TCF12: variants seen among roughly 807,000 people sequenced by gnomAD.
TCF12 encodes the protein DNA-binding protein HTF4.
In TCF12, 45 loss-of-function variants were observed where a neutral mutation model predicts 86.0. The observed-to-expected ratio is 0.52, with a 90% CI of 0.41 to 0.67. The LOEUF (loss-of-function observed/expected upper bound fraction) is 0.67. Ranked by LOEUF, TCF12 falls within the 30% of genes least tolerant of loss-of-function variation. The probability of loss-of-function intolerance (pLI) is 0.00; values close to 1 mark genes in which losing one functional copy is unlikely to be tolerated. For missense variants in TCF12, 881 were observed against 859.9 expected (o/e 1.02, Z -0.31); for synonymous variants, 330 against 299.6 (o/e 1.10, Z -1.05).
chr15:56,924,493 T>TTC (rs1335161305), intron 3 of TCF12, among the ~76,000 whole-genome samples: 1 of 152,196 alleles, frequency 6.6e-6, no homozygotes, highest in African/African-American at 2.4e-5. Context: ...TGAACTGTGA[T>TTC]AGAAATAGGA....
At chr15:57,238,772 T>C (rs1395736312) in intron 12 of TCF12, among the ~76,000 whole-genome samples, 1 of 152,204 alleles carries the variant, frequency 6.6e-6, no homozygotes, top group Admixed American at 6.5e-5. Flanking sequence ...TTGACCAGTA[T>C]AAGTTTCCTG....
In TCF12 at chr15:57,200,574, T is replaced by G. The variant is rs372203212; in HGVS notation, c.579+2749T>G. 3.1e-3 allele frequency among the ~76,000 whole-genome samples: 468 copies of G among 152,288 alleles called. 1 individual carries two copies. The highest frequency in any genetic ancestry group is 0.011 in the African/African-American group (449 of 41,564). On this transcript the variant is annotated intron_variant, in intron 8 of 20. Coordinates refer to ENST00000333725, the MANE Select transcript of TCF12 (RefSeq NM_207037.2). The stretch of plus-strand genomic sequence containing the variant: ...AGTTTCCTACTTGTTCATTCTATCT[T>G]TAATCTGTAAAATATATGTGACTTT...
chr15:57,280,921 C>T lies in TCF12; in HGVS notation c.1979-1524C>T, dbSNP rs147498202. The stretch of plus-strand genomic sequence containing the variant: ...TAAAAATATGTGGAACAACTGTTAA[C>T]CTATACTATATGTTATAATCAAATG... On this transcript the variant is annotated intron_variant, in intron 19 of 20. Transcript: ENST00000333725. Among the ~76,000 whole-genome samples, 484 of 152,198 alleles carry T rather than the reference C, an allele frequency of 3.2e-3. 2 individuals carry two copies. The highest frequency in any genetic ancestry group is 0.011 in the African/African-American group (469 of 41,530).
chr15:56,977,255 A>T (rs1182271042), intron 3 of TCF12, among the ~76,000 whole-genome samples: 2 of 152,134 alleles, frequency 1.3e-5, no homozygotes, highest in African/African-American at 4.8e-5. Flanking sequence ...ATAAAAGGCC[A>T]GGTGTGGTGG....
chr15:57,223,038 G>GA lies in TCF12; in HGVS notation c.580-8106dup, dbSNP rs534446168. The stretch of plus-strand genomic sequence containing the variant: ...TTAAGCTTCTTTGAATGGAATCTGG[G>GA]AAAAAAAAGAAACTAATTTGATTGT... On this transcript the variant is annotated intron_variant, in intron 8 of 20. Coordinates refer to ENST00000333725, the MANE Select transcript of TCF12 (RefSeq NM_207037.2). Among the ~76,000 whole-genome samples, 555 of 151,530 alleles carry GA rather than the reference G, an allele frequency of 3.7e-3. 3 individuals carry two copies. Among genetic ancestry groups the GA allele is most frequent in the South Asian group, 9.0e-3 (43 of 4,798 alleles).
chr15:57,240,995 T>C (rs1221283504), intron 12 of TCF12, among the ~76,000 whole-genome samples: 2 of 151,874 alleles, frequency 1.3e-5, no homozygotes, highest in Non-Finnish European at 2.9e-5. Context: ...AATCAATGTA[T>C]GTGTGCAAAG....
At chr15:56,942,537 G>A (rs772526916) in intron 3 of TCF12, among the ~76,000 whole-genome samples, 3 of 152,138 alleles carry the variant, frequency 2.0e-5, no homozygotes, top group African/African-American at 4.8e-5. Flanking sequence ...GTTTAGAAGA[G>A]GGTATTATAA....
At chr15:56,993,198 C>T (rs2063538194) in intron 3 of TCF12, among the ~76,000 whole-genome samples, 2 of 152,076 alleles carry the variant, frequency 1.3e-5, no homozygotes, top group Admixed American at 1.3e-4. Context: ...ACTTCTGGCT[C>T]AAGGAACAGG....
At chr15:57,019,755 T>C (rs202149938) in intron 3 of TCF12, among the ~76,000 whole-genome samples, 1 of 99,648 alleles carries the variant, frequency 1.0e-5, no homozygotes, top group African/African-American at 3.0e-5. Context: ...ATAGGAGCAA[T>C]TGGGGATGTC....
chr15:56,969,170 G>A (rs1219533504), intron 3 of TCF12, among the ~76,000 whole-genome samples: 1 of 152,100 alleles, frequency 6.6e-6, no homozygotes, highest in Admixed American at 6.6e-5. Context: ...ATCTTATTTA[G>A]GAATAAAATG....
intron 19 of TCF12, chr15:57,282,144 CTAA>C: frequency 2.5e-6 from 1 of 392,198 alleles, no homozygotes; most frequent in South Asian, 2.3e-5. Flanking sequence ...ACTTGGTAGC[CTAA>C]TAACAACAGC....
At chr15:57,050,378 C>T (rs2067526824) in intron 3 of TCF12, among the ~76,000 whole-genome samples, 1 of 152,136 alleles carries the variant, frequency 6.6e-6, no homozygotes, top group Admixed American at 6.5e-5. Flanking sequence ...GAGCATCCTT[C>T]ATGCTTAAAG....
intron 3 of TCF12, among the ~76,000 whole-genome samples, chr15:56,953,289 A>T (rs898209231): frequency 1.3e-5 from 2 of 152,036 alleles, no homozygotes; most frequent in Admixed American, 1.3e-4. Context: ...TTTATGAAGA[A>T]TATTGCTTTG....
intron 3 of TCF12, among the ~76,000 whole-genome samples, chr15:57,007,520 A>T (rs1228573897): frequency 1.3e-5 from 2 of 152,156 alleles, no homozygotes; most frequent in Admixed American, 1.3e-4. Flanking sequence ...ATGTATTGAG[A>T]TCCCTCACCC....
intron 3 of TCF12, among the ~76,000 whole-genome samples, chr15:57,062,274 A>G (rs1338818653): frequency 1.3e-5 from 2 of 151,982 alleles, no homozygotes; most frequent in Admixed American, 6.6e-5. Context: ...TGTTTTTTAC[A>G]TGACATTCCC....
intron 4 of TCF12, among the ~76,000 whole-genome samples, chr15:57,068,357 C>T (rs1354542096): frequency 3.3e-5 from 5 of 152,126 alleles, no homozygotes; most frequent in African/African-American, 4.8e-5. Flanking sequence ...AACAATTACA[C>T]AAATTTAAAC....
chr15:57,093,302 T>G (rs1434752731), intron 5 of TCF12, among the ~76,000 whole-genome samples: 1 of 152,226 alleles, frequency 6.6e-6, no homozygotes, highest in Non-Finnish European at 1.5e-5. Flanking sequence ...AATTATTTCC[T>G]TTCGGAGTAC....
chr15:56,964,418 C>T (rs555199155), intron 3 of TCF12, among the ~76,000 whole-genome samples: 19 of 152,338 alleles, frequency 1.2e-4, no homozygotes, highest in African/African-American at 3.8e-4. Flanking sequence ...CTTTCTCTCT[C>T]TCTTTTCCAT....
chr15:57,085,364 A>G (rs1204616401), intron 4 of TCF12, among the ~76,000 whole-genome samples: 7 of 152,218 alleles, frequency 4.6e-5, no homozygotes, highest in Admixed American at 4.6e-4. Flanking sequence ...AAATACTATT[A>G]AGTAGCTGTT....
Sources: gnomAD v4.1 joint callset for allele counts (sites outside exome capture counted in the v4.1 genomes callset) on GRCh38, gnomAD v4.1.1 for gene constraint, MANE v1.5 for transcripts, NCBI Gene and HGNC (gene_info 2026-07-23, HGNC 2026-07-21) for gene names.